Variants in WDPCP observed in about 807,000 individuals in gnomAD.
WDPCP encodes WD repeat containing planar cell polarity effector.
A neutral mutation model predicts 93.1 loss-of-function variants in WDPCP; 71 were observed. The observed-to-expected ratio is 0.76, with a 90% CI of 0.63 to 0.93. The LOEUF is 0.93. Ranked by LOEUF, WDPCP falls within the 40% of genes least tolerant of loss-of-function variation. The pLI is 0.00. For missense variants in WDPCP, 844 were observed against 887.4 expected (o/e 0.95, Z 0.62); for synonymous variants, 315 against 315.0 (o/e 1.00, Z 0.00).
At chr2:63,460,322 A>T (rs1698920304) in intron 6 of WDPCP, among the ~76,000 whole-genome samples, 1 of 152,158 alleles carries the variant, frequency 6.6e-6, no homozygotes, top group Admixed American at 6.5e-5. Context: ...ACAGATACCA[A>T]AGACTGGGAA....
intron 13 of WDPCP, among the ~76,000 whole-genome samples, chr2:63,260,658 T>C (rs1327626100): frequency 6.6e-6 from 1 of 152,226 alleles, no homozygotes; most frequent in Non-Finnish European, 1.5e-5. Flanking sequence ...CAAGTGATTC[T>C]CTTGCCTCTG....
intron 14 of WDPCP, among the ~76,000 whole-genome samples, chr2:63,215,402 C>A (rs1243881124): frequency 6.6e-6 from 1 of 152,164 alleles, no homozygotes; most frequent in African/African-American, 2.4e-5. Flanking sequence ...AGAAATAATA[C>A]CGCATATCTG....
At chr2:63,811,595 CTT>C (rs34856738) in intron 2 of WDPCP, among the ~76,000 whole-genome samples, 1 of 135,972 alleles carries the variant, frequency 7.4e-6, no homozygotes, top group Non-Finnish European at 1.6e-5. Context: ...CCTGTCCACA[CTT>C]TTTTTTTTTT....
chr2:63,286,659 C>G (rs1174120592), intron 13 of WDPCP, among the ~76,000 whole-genome samples: 1 of 152,232 alleles, frequency 6.6e-6, no homozygotes, highest in African/African-American at 2.4e-5. Context: ...CACACAGACA[C>G]ACGTGACATG....
chr2:63,462,619 G>A (rs1354116252), intron 6 of WDPCP, among the ~76,000 whole-genome samples: 4 of 152,116 alleles, frequency 2.6e-5, no homozygotes, highest in Admixed American at 6.6e-5. Flanking sequence ...GTAGTCTAGA[G>A]AGAGAAGTGA....
At chr2:63,595,711 G>T (rs1442713110) in intron 3 of WDPCP, among the ~76,000 whole-genome samples, 1 of 152,188 alleles carries the variant, frequency 6.6e-6, no homozygotes, top group Non-Finnish European at 1.5e-5. Flanking sequence ...AACAATCAAT[G>T]TCAGGTAAAG....
intron 3 of WDPCP, among the ~76,000 whole-genome samples, chr2:63,639,761 A>G (rs1482396522): frequency 2.0e-5 from 3 of 152,234 alleles, no homozygotes; most frequent in African/African-American, 4.8e-5. Flanking sequence ...AGTTATTACT[A>G]CAAACGTAAC....
At chr2:63,219,328 T>A (rs1677619597) in intron 14 of WDPCP, among the ~76,000 whole-genome samples, 1 of 152,220 alleles carries the variant, frequency 6.6e-6, no homozygotes, top group African/African-American at 2.4e-5. Flanking sequence ...AGGTTTTCCC[T>A]CATACATACT....
intron 2 of WDPCP, among the ~76,000 whole-genome samples, chr2:63,763,850 C>T (rs532508856): frequency 7.2e-5 from 11 of 152,122 alleles, no homozygotes; most frequent in South Asian, 2.1e-4. Context: ...TGGCTTCAAA[C>T]GGTACAGGGT....
intron 3 of WDPCP, chr2:63,643,299 G>C (rs59148046): frequency 1.9e-5 from 7 of 362,490 alleles, no homozygotes; most frequent in Non-Finnish European, 3.7e-5. Flanking sequence ...CCAGTCTCTC[G>C]TCTCTCTCTT....
intron 2 of WDPCP, among the ~76,000 whole-genome samples, chr2:63,813,069 G>A (rs1381550214): frequency 6.6e-6 from 1 of 151,914 alleles, no homozygotes; most frequent in East Asian, 1.9e-4. Flanking sequence ...TGCCCAGGTT[G>A]GTCTTGTACT....
At chr2:63,136,591 T>C (rs1040580712) in intron 17 of WDPCP, among the ~76,000 whole-genome samples, 1 of 152,194 alleles carries the variant, frequency 6.6e-6, no homozygotes, top group South Asian at 2.1e-4. Context: ...GTTTGTAACA[T>C]AGGTAAACTT....
intron 1 of WDPCP, among the ~76,000 whole-genome samples, chr2:63,815,083 C>T (rs1234627293): frequency 1.3e-5 from 2 of 152,088 alleles, no homozygotes; most frequent in African/African-American, 4.8e-5. Flanking sequence ...AAGCACATTA[C>T]ATAATTCTGT....
chr2:63,169,835 T>C (rs1436971895), intron 15 of WDPCP, among the ~76,000 whole-genome samples: 1 of 152,030 alleles, frequency 6.6e-6, no homozygotes, highest in Non-Finnish European at 1.5e-5. Flanking sequence ...GGGTACCCTG[T>C]AACTTATTTT....
chr2:63,267,597 CAATATCCAA>C (rs1473711463), intron 13 of WDPCP, among the ~76,000 whole-genome samples: 2 of 152,030 alleles, frequency 1.3e-5, no homozygotes, highest in Non-Finnish European at 2.9e-5. Flanking sequence ...GATAAGGGGC[CAATATCCAA>C]AATATATAAG....
chr2:63,755,558 T>C (rs1575765354), intron 2 of WDPCP, among the ~76,000 whole-genome samples: 1 of 152,220 alleles, frequency 6.6e-6, no homozygotes, highest in African/African-American at 2.4e-5. Context: ...AAGTTGACGT[T>C]AGTGAGCAAA....
At chr2:63,132,139 T>G in intron 17 of WDPCP, among the ~76,000 whole-genome samples, 2 of 152,052 alleles carry the variant, frequency 1.3e-5, no homozygotes, top group Non-Finnish European at 2.9e-5. Context: ...CCCGGCCCAG[T>G]TGATGTTTTT....
At chr2:63,677,471 A>C (rs539589904) in intron 2 of WDPCP, among the ~76,000 whole-genome samples, 14 of 152,306 alleles carry the variant, frequency 9.2e-5, no homozygotes, top group Admixed American at 7.8e-4. Flanking sequence ...AAAGAAAAAA[A>C]TTCAAAGCAG....
At position 63,485,007 on chromosome 2, in the gene WDPCP, C is replaced by G. The variant is rs2105907834; in HGVS notation, c.254-20G>C. 6.2e-7 allele frequency: 1 copy of G among 1,611,986 alleles called. No individual in the cohort carries two copies. The highest frequency in any genetic ancestry group is 8.5e-7 in the Non-Finnish European group (1 of 1,178,612). ...CTCGTGCTGGCAAATAAAACATGTA[C>G]TACAGTTAGTTAAACAAGATTTAAA... is the stretch of plus-strand genomic sequence containing the variant. On this transcript the variant is annotated intron_variant, in intron 4 of 17. Transcript: ENST00000272321.
Sources: allele counts gnomAD v4.1 joint callset (sites outside exome capture counted in the v4.1 genomes callset), GRCh38; gene constraint gnomAD v4.1.1; transcripts MANE v1.5; gene names NCBI Gene and HGNC (gene_info 2026-07-23, HGNC 2026-07-21).